Variants in MAGI2 observed in about 807,000 individuals in gnomAD.
The protein encoded by MAGI2 is membrane associated guanylate kinase, WW and PDZ domain containing 2.
In MAGI2, 35 loss-of-function variants were observed where a neutral mutation model predicts 133.3. The observed-to-expected ratio is 0.26, with a 90% CI of 0.20 to 0.35. MAGI2 has a LOEUF of 0.35. Among genes scored for constraint, MAGI2 ranks in the 10% least tolerant of loss-of-function variants. The probability of loss-of-function intolerance (pLI) is 1.00; values close to 1 mark genes in which losing one functional copy is unlikely to be tolerated. For synonymous variants in MAGI2, 729 were observed against 710.6 expected, an observed-to-expected ratio of 1.03 and a Z score of -0.41; for missense variants, 1,636 against 1,863.4, an observed-to-expected ratio of 0.88 and a Z score of 2.25.
At chr7:79,422,428 C>A (rs1563208864) in intron 1 of MAGI2, among the ~76,000 whole-genome samples, 3 of 151,778 alleles carry the variant, frequency 2.0e-5, no homozygotes, top group Non-Finnish European at 4.4e-5. Context: ...TATTTTCCCC[C>A]AAAATCCAGG....
intron 2 of MAGI2, among the ~76,000 whole-genome samples, chr7:78,757,998 G>A (rs375509018): frequency 2.0e-5 from 3 of 152,088 alleles, no homozygotes; most frequent in Non-Finnish European, 4.4e-5. Flanking sequence ...TCTATCAAAG[G>A]TTTCTGTACC....
chr7:78,103,643 C>T lies in MAGI2; in HGVS notation c.3567+22051G>A, dbSNP rs192666966. 1.4e-4 allele frequency among the ~76,000 whole-genome samples: 21 copies of T among 152,348 alleles called. No homozygotes were observed. The East Asian group carries it at 4.1e-3, about 29-fold the overall frequency. On this transcript the variant is annotated intron_variant, in intron 20 of 21. Coordinates refer to ENST00000354212, the MANE Select transcript of MAGI2 (RefSeq NM_012301.4). ...GGCTCTGCCCAAACCCAGGCTCTTT[C>T]CCGTATACTACTCTGCCTCCCACAG...
chr7:78,658,074 T>A (rs1812502299), intron 2 of MAGI2, among the ~76,000 whole-genome samples: 1 of 152,214 alleles, frequency 6.6e-6, no homozygotes, highest in Admixed American at 6.5e-5. Flanking sequence ...AATCCTTCTT[T>A]AAATATTTCA....
intron 1 of MAGI2, among the ~76,000 whole-genome samples, chr7:79,296,220 T>C (rs1836917766): frequency 6.6e-6 from 1 of 152,216 alleles, no homozygotes; most frequent in African/African-American, 2.4e-5. Flanking sequence ...GGTCCTTTAA[T>C]CTTATCTAAA....
At chr7:78,034,489 A>G (rs1210368763) in intron 21 of MAGI2, among the ~76,000 whole-genome samples, 1 of 152,100 alleles carries the variant, frequency 6.6e-6, no homozygotes, top group African/African-American at 2.4e-5. Context: ...GCTCTTGCCT[A>G]CCTTGAAAAG....
At chr7:78,560,002 C>A (rs1265681764) in intron 3 of MAGI2, among the ~76,000 whole-genome samples, 1 of 151,930 alleles carries the variant, frequency 6.6e-6, no homozygotes, top group Non-Finnish European at 1.5e-5. Context: ...TGGGGACTTA[C>A]AGACAAAAGG....
chr7:79,311,398 T>C lies in MAGI2; in HGVS notation c.301+141622A>G, dbSNP rs116795836. Among the ~76,000 whole-genome samples, 1,504 of 152,260 alleles carry C rather than the reference T, an allele frequency of 9.9e-3. 26 individuals are homozygous for C. Among genetic ancestry groups the C allele is most frequent in the African/African-American group, 0.035 (1,451 of 41,560 alleles). On this transcript the variant is annotated intron_variant, in intron 1 of 21. Coordinates refer to ENST00000354212, the MANE Select transcript of MAGI2 (RefSeq NM_012301.4). The stretch of plus-strand genomic sequence containing the variant: ...TTTAAGAAAATTTATGAATTTGTGT[T>C]GTGCTGCATTCAAAGTCGTCCTGGG...
At chr7:79,267,156 G>C (rs1365045267) in intron 1 of MAGI2, among the ~76,000 whole-genome samples, 1 of 152,078 alleles carries the variant, frequency 6.6e-6, no homozygotes, top group Non-Finnish European at 1.5e-5. Context: ...AAGAACCCTT[G>C]CTTGTCAGCC....
chr7:78,592,828 C>CTTTTTTTTTTTTTTTTTTTTTTTTTTTTT (rs10675572), intron 3 of MAGI2, among the ~76,000 whole-genome samples: 1 of 106,874 alleles, frequency 9.4e-6, no homozygotes, highest in Non-Finnish European at 1.8e-5. Context: ...TACTGATTCT[C>CTTTTTTTTTTTTTTTTTTTTTTTTTTTTT]TTTTTTTTTT....
At chr7:78,874,837 T>G (rs1217862939) in intron 2 of MAGI2, among the ~76,000 whole-genome samples, 1 of 152,206 alleles carries the variant, frequency 6.6e-6, no homozygotes, top group Non-Finnish European at 1.5e-5. Context: ...TGCCCTAATT[T>G]GATCATTACA....
At chr7:78,781,455 A>G (rs1826396092) in intron 2 of MAGI2, among the ~76,000 whole-genome samples, 1 of 152,038 alleles carries the variant, frequency 6.6e-6, no homozygotes, top group South Asian at 2.1e-4. Flanking sequence ...AATTTGCATA[A>G]AGGCTTGAAT....
At chr7:78,244,881 GAATGA>G (rs1241309309) in intron 10 of MAGI2, among the ~76,000 whole-genome samples, 1 of 152,074 alleles carries the variant, frequency 6.6e-6, no homozygotes, top group Non-Finnish European at 1.5e-5. Flanking sequence ...TGCAGATTCT[GAATGA>G]AATGGGAATT....
chr7:78,411,717 G>T (rs1312253114), intron 6 of MAGI2, among the ~76,000 whole-genome samples: 2 of 151,998 alleles, frequency 1.3e-5, no homozygotes, highest in Non-Finnish European at 2.9e-5. Flanking sequence ...TTAGAACATG[G>T]ATAAGTTTAA....
chr7:79,351,383 A>C (rs554448773), intron 1 of MAGI2, among the ~76,000 whole-genome samples: 1 of 152,338 alleles, frequency 6.6e-6, no homozygotes, highest in East Asian at 1.9e-4. Flanking sequence ...AAGACACTAC[A>C]GAACTGTACC....
intron 17 of MAGI2, among the ~76,000 whole-genome samples, chr7:78,133,663 C>T (rs1000773): frequency 0.037 from 5,686 of 152,242 alleles, 128 homozygotes; most frequent in East Asian, 0.064. Flanking sequence ...AAATTTTCAA[C>T]TGAAATTGAC....
chr7:78,263,910 A>G (rs1160904871), intron 9 of MAGI2, among the ~76,000 whole-genome samples: 3 of 152,052 alleles, frequency 2.0e-5, no homozygotes, highest in South Asian at 4.1e-4. Context: ...CCCCAACACT[A>G]TATTTTCTTT....
At chr7:79,151,065 G>A (rs1306229067) in intron 1 of MAGI2, among the ~76,000 whole-genome samples, 1 of 151,912 alleles carries the variant, frequency 6.6e-6, no homozygotes, top group Non-Finnish European at 1.5e-5. Flanking sequence ...AAAAAAACAT[G>A]TTAGCTTCCT....
At chr7:78,889,827 G>A (rs1796592107) in intron 2 of MAGI2, among the ~76,000 whole-genome samples, 1 of 152,102 alleles carries the variant, frequency 6.6e-6, no homozygotes, top group Admixed American at 6.5e-5. Context: ...CAACTAACGA[G>A]CAAAATAACC....
intron 1 of MAGI2, chr7:79,415,634 T>A (rs1215204831): frequency 6.6e-6 from 1 of 152,064 alleles, no homozygotes. Flanking sequence ...AGAAAATCCC[T>A]CAAAAGGGCT....
Sources: allele counts gnomAD v4.1 joint callset (sites outside exome capture counted in the v4.1 genomes callset), GRCh38; gene constraint gnomAD v4.1.1; transcripts MANE v1.5; gene names NCBI Gene and HGNC (gene_info 2026-07-23, HGNC 2026-07-21).